Variants in TJP1 observed in about 807,000 individuals in gnomAD.
The protein encoded by TJP1 is tight junction protein 1, also known as tight junction protein ZO-1.
In TJP1, 43 loss-of-function variants were observed where a neutral mutation model predicts 194.2. The ratio of observed to expected loss-of-function variants is 0.22; its 90% CI spans 0.17 to 0.29. The LOEUF is 0.29. Ranked by LOEUF, TJP1 falls within the 10% of genes least tolerant of loss-of-function variation. The probability of loss-of-function intolerance (pLI) is 1.00; values close to 1 mark genes in which losing one functional copy is unlikely to be tolerated. For missense variants in TJP1, 1,971 were observed against 2,185.7 expected, an observed-to-expected ratio of 0.90 and a Z score of 1.96; for synonymous variants, 801 against 779.0, an observed-to-expected ratio of 1.03 and a Z score of -0.47.
intron 2 of TJP1, among the ~76,000 whole-genome samples, chr15:29,937,887 A>AGGTTACAC (rs2054935915): frequency 6.6e-6 from 1 of 152,234 alleles, no homozygotes; most frequent in African/African-American, 2.4e-5. Context: ...TGCTAAATCT[A>AGGTTACAC]GGTTACACTA....
intron 2 of TJP1, among the ~76,000 whole-genome samples, chr15:29,903,783 TG>T (rs1448808749): frequency 1.3e-5 from 2 of 152,200 alleles, no homozygotes; most frequent in African/African-American, 4.8e-5. Flanking sequence ...ATTAGATATT[TG>T]TCCTCTTTTT....
At chr15:29,876,272 C>T (rs1049677083) in intron 2 of TJP1, among the ~76,000 whole-genome samples, 4 of 152,190 alleles carry the variant, frequency 2.6e-5, no homozygotes, top group African/African-American at 9.6e-5. Flanking sequence ...GTAATCCCAG[C>T]ACTTTGGGAG....
intron 2 of TJP1, among the ~76,000 whole-genome samples, chr15:29,785,229 C>T (rs1039523342): frequency 1.3e-5 from 2 of 152,194 alleles, no homozygotes; most frequent in Non-Finnish European, 2.9e-5. Flanking sequence ...CCATGAGCAG[C>T]AATAACTTCT....
At chr15:29,759,869 G>A (rs1390093417) in intron 8 of TJP1, 9 of 247,516 alleles carry the variant, frequency 3.6e-5, no homozygotes, top group East Asian at 1.5e-4. Flanking sequence ...TCATGTGTTC[G>A]ACATTCAGGT....
At chr15:29,914,060 A>C (rs548781969) in intron 2 of TJP1, among the ~76,000 whole-genome samples, 1 of 152,264 alleles carries the variant, frequency 6.6e-6, no homozygotes, top group East Asian at 1.9e-4. Context: ...TGCCTCTGTC[A>C]CACAAGGGAA....
At chr15:29,819,485 A>G (rs2151997423) in intron 1 of TJP1, among the ~76,000 whole-genome samples, 1 of 152,290 alleles carries the variant, frequency 6.6e-6, no homozygotes, top group African/African-American at 2.4e-5. Flanking sequence ...AATACTGATG[A>G]TCATAATTAC....
chr15:29,852,822 T>C (rs982453843), intron 2 of TJP1, among the ~76,000 whole-genome samples: 4 of 151,824 alleles, frequency 2.6e-5, no homozygotes, highest in Non-Finnish European at 5.9e-5. Context: ...GAGAATTGCT[T>C]GAACCTGGGA....
At chr15:29,739,627 G>A (rs1052484290) in intron 10 of TJP1, among the ~76,000 whole-genome samples, 2 of 151,896 alleles carry the variant, frequency 1.3e-5, no homozygotes, top group Non-Finnish European at 2.9e-5. Context: ...TGTATTTTTA[G>A]TAGAGACGGG....
At chr15:29,883,360 T>G (rs1296944193) in intron 2 of TJP1, among the ~76,000 whole-genome samples, 1 of 152,218 alleles carries the variant, frequency 6.6e-6, no homozygotes, top group Non-Finnish European at 1.5e-5. Context: ...ATGCAGGGAA[T>G]GTGGCATGGT....
chr15:29,764,637 A>G (rs977292224), intron 5 of TJP1, among the ~76,000 whole-genome samples: 2 of 152,056 alleles, frequency 1.3e-5, no homozygotes, highest in Admixed American at 1.3e-4. Flanking sequence ...CATGCATGGG[A>G]AAAAAAGAGA....
At position 29,701,584 on chromosome 15, in the gene TJP1, T is replaced by C. The variant is rs754774361; in HGVS notation, c.*11A>G. Reference sequence around the variant, plus strand: ...CAGTTTCACATTATTTAAGTTCCTATATTTCAAGAGTTAAAAGTGGTCAAT... The same window carrying C: ...CAGTTTCACATTATTTAAGTTCCTACATTTCAAGAGTTAAAAGTGGTCAAT... On this transcript the variant is annotated 3_prime_UTR_variant, in exon 28 of 28. Coordinates refer to ENST00000614355, the MANE Select transcript of TJP1 (RefSeq NM_001330239.4). The C allele has an allele frequency of 4.4e-6, 7 of 1,600,698 alleles. No homozygotes were observed. Among genetic ancestry groups the C allele is most frequent in the Non-Finnish European group, 6.0e-6 (7 of 1,168,008 alleles).
At chr15:29,811,290 G>A (rs924338000) in intron 1 of TJP1, among the ~76,000 whole-genome samples, 3 of 151,938 alleles carry the variant, frequency 2.0e-5, no homozygotes, top group Non-Finnish European at 2.9e-5. Flanking sequence ...TGTGTGTAGC[G>A]GGGCGGGGGA....
chr15:29,770,503 CAGG>C (rs1287463434), intron 4 of TJP1, among the ~76,000 whole-genome samples: 1 of 151,162 alleles, frequency 6.6e-6, no homozygotes, highest in Non-Finnish European at 1.5e-5. Context: ...CAGCCTCCAT[CAGG>C]AGATCGACAC....
chr15:29,814,481 T>C (rs1488590690), intron 1 of TJP1, among the ~76,000 whole-genome samples: 1 of 152,192 alleles, frequency 6.6e-6, no homozygotes, highest in African/African-American at 2.4e-5. Flanking sequence ...CTAAATTAAG[T>C]GAGCTAATCT....
At chr15:29,791,984 T>C (rs1301135003) in intron 2 of TJP1, among the ~76,000 whole-genome samples, 1 of 151,330 alleles carries the variant, frequency 6.6e-6, no homozygotes, top group Non-Finnish European at 1.5e-5. Flanking sequence ...TGGATTTCTT[T>C]TTCCTATCGA....
At chr15:29,702,607 G>A (rs1008708410) in intron 27 of TJP1, among the ~76,000 whole-genome samples, 4 of 152,110 alleles carry the variant, frequency 2.6e-5, no homozygotes, top group Non-Finnish European at 5.9e-5. Flanking sequence ...ATTCCACGAC[G>A]AACAGGAGGG....
intron 2 of TJP1, among the ~76,000 whole-genome samples, chr15:29,848,018 T>C (rs528716696): frequency 6.6e-6 from 1 of 152,324 alleles, no homozygotes; most frequent in Non-Finnish European, 1.5e-5. Flanking sequence ...CTTTTTCCTG[T>C]TGTGTTTCTG....
chr15:29,745,950 AGAACTGGGGGT>A (rs756230847), intron 8 of TJP1, among the ~76,000 whole-genome samples: 38 of 152,354 alleles, frequency 2.5e-4, no homozygotes, highest in Admixed American at 1.4e-3. Flanking sequence ...AAGAAGAGTG[AGAACTGGGGGT>A]GAACTGGGGG....
chr15:29,953,448 A>ATT, intron 2 of TJP1, among the ~76,000 whole-genome samples: 1 of 152,198 alleles, frequency 6.6e-6, no homozygotes, highest in Middle Eastern at 3.4e-3. Context: ...GGCCAAAAAG[A>ATT]CAGAATTTTT....
Sources: allele counts gnomAD v4.1 joint callset (sites outside exome capture counted in the v4.1 genomes callset), GRCh38; gene constraint gnomAD v4.1.1; transcripts MANE v1.5; gene names NCBI Gene and HGNC (gene_info 2026-07-23, HGNC 2026-07-21).